The following CLVS1 variants were observed in gnomAD, a reference collection of about 807,000 sequenced individuals.
CLVS1 encodes clavesin-1.
CLVS1 carries 10 observed loss-of-function variants against 33.1 expected under a neutral mutation model. The observed-to-expected ratio is 0.30, with a 90% CI of 0.19 to 0.51. CLVS1 has a LOEUF of 0.51. Ranked by LOEUF, CLVS1 falls within the 20% of genes least tolerant of loss-of-function variation. The probability of loss-of-function intolerance (pLI) is 0.97; values close to 1 mark genes in which losing one functional copy is unlikely to be tolerated. For missense variants in CLVS1, 343 were observed against 433.4 expected, an observed-to-expected ratio of 0.79 and a Z score of 1.85; for synonymous variants, 163 against 166.1, an observed-to-expected ratio of 0.98 and a Z score of 0.14.
intron 5 of CLVS1, among the ~76,000 whole-genome samples, chr8:61,499,066 A>G (rs1036273940): frequency 2.0e-5 from 3 of 152,372 alleles, no homozygotes; most frequent in South Asian, 2.1e-4. Flanking sequence ...AGATTATTCC[A>G]GTACTCCAAA....
intron 2 of CLVS1, among the ~76,000 whole-genome samples, chr8:61,372,826 G>T (rs1019301310): frequency 1.3e-5 from 2 of 152,086 alleles, no homozygotes; most frequent in African/African-American, 4.8e-5. Flanking sequence ...TTACTCTTGG[G>T]TTATATTTAT....
chr8:60,984,603 C>T, the CLVS1 span, among the ~76,000 whole-genome samples: 1 of 152,196 alleles, frequency 6.6e-6, no homozygotes, highest in Non-Finnish European at 1.5e-5. Context: ...GCTAGGATTT[C>T]AGGCGTGAGC....
intron 5 of CLVS1, among the ~76,000 whole-genome samples, chr8:61,490,592 A>C (rs967809875): frequency 1.3e-5 from 2 of 150,212 alleles, no homozygotes; most frequent in African/African-American, 4.9e-5. Context: ...CCAGGGGCGG[A>C]GACTGCAGTG....
intron 3 of CLVS1, among the ~76,000 whole-genome samples, chr8:61,450,762 C>T (rs1009687954): frequency 6.6e-6 from 1 of 152,058 alleles, no homozygotes; most frequent in African/African-American, 2.4e-5. Context: ...AAAAAATGAT[C>T]ACATTTAAAA....
At chr8:61,317,988 G>C (rs1021245881) in intron 2 of CLVS1, among the ~76,000 whole-genome samples, 9 of 152,054 alleles carry the variant, frequency 5.9e-5, no homozygotes, top group African/African-American at 2.2e-4. Context: ...TCCCCTTTGT[G>C]GGTTCATTTC....
intron 2 of CLVS1, among the ~76,000 whole-genome samples, chr8:61,217,723 C>A (rs1474337839): frequency 6.6e-6 from 1 of 152,112 alleles, no homozygotes; most frequent in Non-Finnish European, 1.5e-5. Flanking sequence ...AATAGACAAC[C>A]CACAGAGTGG....
chr8:61,074,020 A>AG (rs1246389619), intron 1 of CLVS1, among the ~76,000 whole-genome samples: 2 of 149,874 alleles, frequency 1.3e-5, no homozygotes, highest in African/African-American at 4.9e-5. Context: ...AAAAAAAAAA[A>AG]AAAAAAAAAA....
At chr8:61,408,765 G>C (rs1315835975) in intron 3 of CLVS1, among the ~76,000 whole-genome samples, 1 of 152,194 alleles carries the variant, frequency 6.6e-6, no homozygotes, top group Admixed American at 6.5e-5. Flanking sequence ...TTTACCTTCA[G>C]TCACTCTTGG....
intron 1 of CLVS1, among the ~76,000 whole-genome samples, chr8:61,096,642 C>T (rs888051238): frequency 6.6e-5 from 10 of 152,116 alleles, no homozygotes; most frequent in African/African-American, 1.9e-4. Context: ...TTCAGTTTTT[C>T]CCCCCTCTTA....
upstream of CLVS1, chr8:61,287,874 G>T: frequency 8.8e-6 from 3 of 340,980 alleles, no homozygotes; most frequent in South Asian, 6.7e-5. Flanking sequence ...TTATTGGTAC[G>T]TCTCAACGGA....
In CLVS1 at chr8:61,407,206, G is replaced by A. The variant is rs1463460214; in HGVS notation, c.630+30427G>A. ...ATGCCTAACATATGAAGAATACTCA[G>A]CACCATGGCTAGAACATACCTAAAC... On this transcript the variant is annotated intron_variant, in intron 3 of 5. Transcript: ENST00000325897. Among the ~76,000 whole-genome samples the A allele has an allele frequency of 2.6e-5, 4 of 152,130 alleles. No homozygotes were observed. In the South Asian group the frequency reaches 8.3e-4, roughly 32 times the overall value.
At chr8:60,997,942 G>A in the CLVS1 span, among the ~76,000 whole-genome samples, 1 of 152,150 alleles carries the variant, frequency 6.6e-6, no homozygotes, top group Non-Finnish European at 1.5e-5. Context: ...GCTTGTGTGT[G>A]TGTGTGTGTG....
intron 2 of CLVS1, among the ~76,000 whole-genome samples, chr8:61,243,157 C>A (rs1808732535): frequency 6.6e-6 from 1 of 152,132 alleles, no homozygotes; most frequent in Non-Finnish European, 1.5e-5. Context: ...ACTTATATGG[C>A]AAATTTTCTC....
intron 1 of CLVS1, among the ~76,000 whole-genome samples, chr8:61,120,727 C>A (rs10091546): frequency 7.3e-6 from 1 of 137,504 alleles, no homozygotes; most frequent in Non-Finnish European, 1.6e-5. Context: ...GCAGTCTGCC[C>A]GTTCTCAGAT....
intron 1 of CLVS1, among the ~76,000 whole-genome samples, chr8:61,059,457 CATAT>C (rs1375091309): frequency 1.4e-5 from 1 of 71,112 alleles, no homozygotes; most frequent in African/African-American, 5.0e-5. Context: ...TATACACACA[CATAT>C]ACATACATAC....
chr8:61,118,968 G>A (rs1272450585), intron 1 of CLVS1, among the ~76,000 whole-genome samples: 1 of 152,110 alleles, frequency 6.6e-6, no homozygotes, highest in Non-Finnish European at 1.5e-5. Context: ...TGTTGACAGT[G>A]GGGTGTTAAA....
At chr8:61,363,969 C>G (rs993546301) in intron 2 of CLVS1, among the ~76,000 whole-genome samples, 1 of 152,174 alleles carries the variant, frequency 6.6e-6, no homozygotes, top group Non-Finnish European at 1.5e-5. Flanking sequence ...CCTGACACAT[C>G]TGGTCCTGCC....
chr8:61,134,778 T>A (rs1412953131), intron 2 of CLVS1, among the ~76,000 whole-genome samples: 1 of 152,168 alleles, frequency 6.6e-6, no homozygotes, highest in East Asian at 1.9e-4. Context: ...AATCTCCCCA[T>A]CTCAGGCTAG....
chr8:61,229,747 C>G (rs182922279), intron 2 of CLVS1, among the ~76,000 whole-genome samples: 1 of 152,202 alleles, frequency 6.6e-6, no homozygotes, highest in African/African-American at 2.4e-5. Context: ...TTTCCTGCCT[C>G]GGTCTTCCAA....
Sources: gnomAD v4.1 joint callset for allele counts (sites outside exome capture counted in the v4.1 genomes callset) on GRCh38, gnomAD v4.1.1 for gene constraint, MANE v1.5 for transcripts, NCBI Gene and HGNC (gene_info 2026-07-23, HGNC 2026-07-21) for gene names.